The following RIMS1 variants were observed in gnomAD, a reference collection of about 807,000 sequenced individuals.
The protein encoded by RIMS1 is regulating synaptic membrane exocytosis protein 1.
Under a neutral mutation model 214.1 loss-of-function variants are expected in RIMS1, and 83 were observed. The observed-to-expected ratio is 0.39, with a 90% CI of 0.32 to 0.47. RIMS1 has a LOEUF of 0.47. RIMS1 is among the 20% of genes least tolerant of loss of function. RIMS1 has a pLI of 0.99. For synonymous variants in RIMS1, 793 were observed against 786.8 expected (o/e 1.01, Z -0.13); for missense variants, 2,050 against 2,161.8 (o/e 0.95, Z 1.03).
At chr6:72,180,120 T>C (rs550928896) in intron 5 of RIMS1, among the ~76,000 whole-genome samples, 1 of 152,236 alleles carries the variant, frequency 6.6e-6, no homozygotes, top group African/African-American at 2.4e-5. Flanking sequence ...TTCTTTCATA[T>C]CATGCACAGA....
intron 6 of RIMS1, among the ~76,000 whole-genome samples, chr6:72,210,507 G>A (rs1297023133): frequency 6.6e-6 from 1 of 152,108 alleles, no homozygotes. Context: ...TCAAGACATG[G>A]CAGAGCTATA....
chr6:72,315,876 C>T lies in RIMS1; in HGVS notation c.4130+2204C>T, dbSNP rs374614326. On this transcript the variant is annotated intron_variant, in intron 28 of 33. Coordinates refer to ENST00000521978, the MANE Select transcript of RIMS1 (RefSeq NM_014989.7). ...TCTTCAGATGTAAATATTCCCTGCC[C>T]TTATAGGTAACACTATGAGGAATAA... is the stretch of plus-strand genomic sequence containing the variant. Among the ~76,000 whole-genome samples the T allele has an allele frequency of 1.4e-4, 21 of 152,202 alleles. No homozygotes were observed. In the East Asian group the frequency reaches 3.7e-3, roughly 27 times the overall value.
intron 4 of RIMS1, among the ~76,000 whole-genome samples, chr6:72,158,556 G>T (rs6453574): frequency 1.2e-4 from 11 of 92,074 alleles, no homozygotes; most frequent in East Asian, 6.2e-4. Flanking sequence ...CTATCCCTCC[G>T]CCCTCCCCCC....
intron 1 of RIMS1, among the ~76,000 whole-genome samples, chr6:71,966,685 T>C (rs1794533219): frequency 6.6e-6 from 1 of 152,084 alleles, no homozygotes; most frequent in African/African-American, 2.4e-5. Flanking sequence ...CACACCCGGC[T>C]AAATTTTGTA....
chr6:72,287,782 C>T (rs111403460), intron 24 of RIMS1, among the ~76,000 whole-genome samples: 30,735 of 151,920 alleles, frequency 0.2, 3,927 homozygotes, highest in Non-Finnish European at 0.28. Context: ...TTAGTAGAGA[C>T]GGGGTTTCAC....
At chr6:71,906,620 A>T (rs1425719389) in intron 1 of RIMS1, among the ~76,000 whole-genome samples, 1 of 152,138 alleles carries the variant, frequency 6.6e-6, no homozygotes, top group Non-Finnish European at 1.5e-5. Context: ...TAGTAGTAAT[A>T]ATTATTATGG....
At chr6:71,904,598 T>C (rs540701879) in intron 1 of RIMS1, among the ~76,000 whole-genome samples, 28 of 152,252 alleles carry the variant, frequency 1.8e-4, no homozygotes, top group South Asian at 4.1e-4. Flanking sequence ...TAGTGCAGCA[T>C]CCACTCACTG....
At chr6:72,216,899 G>T in intron 6 of RIMS1, 2 of 1,182,760 alleles carry the variant, frequency 1.7e-6, no homozygotes, top group African/African-American at 3.1e-5. Flanking sequence ...CTTTAGTACA[G>T]CACAGAGCAC....
chr6:72,103,106 A>G (rs2033980767), intron 4 of RIMS1, among the ~76,000 whole-genome samples: 1 of 152,150 alleles, frequency 6.6e-6, no homozygotes, highest in Admixed American at 6.6e-5. Flanking sequence ...ATAGATAAAT[A>G]CATCAATAAG....
intron 6 of RIMS1, among the ~76,000 whole-genome samples, chr6:72,207,685 G>A (rs959653292): frequency 6.6e-6 from 1 of 151,986 alleles, no homozygotes; most frequent in Non-Finnish European, 1.5e-5. Context: ...AACTAACTAG[G>A]ACACCACTTG....
Position 72,097,067 on chromosome 6 carries a change from A to G in RIMS1, c.364A>G (p.Thr122Ala). ...TCCGACTTGTGGAATCTGTCATAAA[A>G]CAAAGTTTGCTGATGGGTGCGGTCA... ...DAPTCGICHK[T>A]KFADGCGHLC... Residue 122 changes from threonine (T) to alanine (A), a missense_variant, in exon 3 of 34, where the codon ACA becomes GCA. Around this residue, in one of 6 missense-constraint regions of RIMS1, gnomAD observed 882 missense variants for 828.9 expected, o/e 1.06. Transcript: ENST00000521978. The G allele has an allele frequency of 1.2e-6, 2 of 1,614,020 alleles. No individual in the cohort carries two copies. The highest frequency in any genetic ancestry group is 8.5e-7 in the Non-Finnish European group (1 of 1,179,896).
At chr6:72,209,652 A>G (rs10455254) in intron 6 of RIMS1, among the ~76,000 whole-genome samples, 1 of 152,130 alleles carries the variant, frequency 6.6e-6, no homozygotes, top group African/African-American at 2.4e-5. Context: ...CTGTAATCCC[A>G]GCACTTTGGA....
At chr6:72,281,141 T>C (rs2089922580) in intron 23 of RIMS1, among the ~76,000 whole-genome samples, 1 of 152,128 alleles carries the variant, frequency 6.6e-6, no homozygotes, top group African/African-American at 2.4e-5. Context: ...GATTATGGAC[T>C]CTCAGTTCAC....
intron 29 of RIMS1, among the ~76,000 whole-genome samples, chr6:72,367,266 T>C (rs997035828): frequency 3.3e-5 from 5 of 152,192 alleles, no homozygotes; most frequent in African/African-American, 1.2e-4. Flanking sequence ...AACAACTTTA[T>C]TCTTATTTAA....
intron 29 of RIMS1, among the ~76,000 whole-genome samples, chr6:72,371,915 A>G (rs180998858): frequency 3.9e-5 from 6 of 152,180 alleles, no homozygotes; most frequent in African/African-American, 1.4e-4. Flanking sequence ...AACTGAAAAT[A>G]TTTATCAAAT....
chr6:71,899,383 C>T (rs985187919), intron 1 of RIMS1, among the ~76,000 whole-genome samples: 1 of 151,792 alleles, frequency 6.6e-6, no homozygotes. Context: ...GGAGGTTTGA[C>T]TTCAATTACT....
chr6:72,061,534 C>T (rs558767693), intron 2 of RIMS1, among the ~76,000 whole-genome samples: 3 of 152,314 alleles, frequency 2.0e-5, no homozygotes, highest in Admixed American at 6.5e-5. Flanking sequence ...CTGTGCATTA[C>T]GCGCTTTCTG....
At chr6:72,103,963 T>C (rs1188861490) in intron 4 of RIMS1, among the ~76,000 whole-genome samples, 1 of 152,168 alleles carries the variant, frequency 6.6e-6, no homozygotes, top group African/African-American at 2.4e-5. Flanking sequence ...AAAATGCTTC[T>C]AGCTTAGTAA....
intron 4 of RIMS1, among the ~76,000 whole-genome samples, chr6:72,118,129 A>G (rs949340134): frequency 6.6e-6 from 1 of 151,668 alleles, no homozygotes; most frequent in African/African-American, 2.4e-5. Context: ...AAGATCATTC[A>G]AAGCTACTAT....
Sources: gnomAD v4.1 joint callset for allele counts (sites outside exome capture counted in the v4.1 genomes callset) on GRCh38, gnomAD v4.1.1 for gene constraint, gnomAD v4.1.1 regional missense constraint, MANE v1.5 for transcripts, NCBI Gene and HGNC (gene_info 2026-07-23, HGNC 2026-07-21) for gene names.